The following RBFOX1 variants were observed in gnomAD, a reference collection of about 807,000 sequenced individuals.
The protein encoded by RBFOX1 is RNA binding protein fox-1 homolog 1.
Under a neutral mutation model 57.7 loss-of-function variants are expected in RBFOX1, and 8 were observed. The observed-to-expected ratio is 0.14, with a 90% CI of 0.08 to 0.25. The LOEUF is 0.25. RBFOX1 is among the 10% of genes least tolerant of loss of function. RBFOX1 has a pLI of 1.00. For synonymous variants in RBFOX1, 326 were observed against 222.4 expected (o/e 1.47, Z -4.15); for missense variants, 611 against 548.5 (o/e 1.11, Z -1.14).
intron 4 of RBFOX1, among the ~76,000 whole-genome samples, chr16:7,234,742 C>G (rs866603095): frequency 2.0e-5 from 3 of 150,002 alleles, no homozygotes; most frequent in Admixed American, 6.7e-5. Flanking sequence ...TTGTAAATAC[C>G]CTGTGCTGAA....
rs774374468 is a variant in RBFOX1, at chr16:5,596,693, G to C, written c.259-2209G>C. ...CGTTGATCAAGTGCAGTTTTTTCTT[G>C]GTCCATCTATAAAGTGGGACTGAAA... On this transcript the variant is annotated intron_variant, in intron 2 of 2. Transcript: ENST00000585867. 1.8e-4 allele frequency among the ~76,000 whole-genome samples: 28 copies of C among 152,246 alleles called. No individual in the cohort carries two copies. In the East Asian group the frequency reaches 3.5e-3, roughly 19 times the overall value.
chr16:5,477,249 G>A (rs180699649), intron 2 of RBFOX1, among the ~76,000 whole-genome samples: 3 of 152,190 alleles, frequency 2.0e-5, no homozygotes, highest in Admixed American at 2.0e-4. Context: ...TTTGGTGCCT[G>A]TATTTTTTTT....
intron 4 of RBFOX1, among the ~76,000 whole-genome samples, chr16:7,471,316 G>T (rs959078360): frequency 7.2e-5 from 11 of 152,218 alleles, no homozygotes; most frequent in African/African-American, 2.6e-4. Flanking sequence ...TACCTTGTGA[G>T]TATATCCATA....
chr16:5,241,639 G>A (rs550225902), intron 1 of RBFOX1, among the ~76,000 whole-genome samples: 1 of 152,314 alleles, frequency 6.6e-6, no homozygotes, highest in Admixed American at 6.5e-5. Context: ...CTGTCAACAG[G>A]CCCCATTGCC....
intron 3 of RBFOX1, among the ~76,000 whole-genome samples, chr16:5,745,970 T>C (rs559060775): frequency 1.4e-4 from 21 of 152,350 alleles, no homozygotes; most frequent in African/African-American, 5.0e-4. Flanking sequence ...ATTTTGGCTT[T>C]TGTTGCCATT....
chr16:7,393,282 TA>T (rs1300870634), intron 4 of RBFOX1, among the ~76,000 whole-genome samples: 2 of 152,178 alleles, frequency 1.3e-5, no homozygotes, highest in African/African-American at 4.8e-5. Context: ...CTTCAGACCT[TA>T]ATCCTTAAGT....
At chr16:5,335,612 G>C (rs748153557) in intron 1 of RBFOX1, among the ~76,000 whole-genome samples, 1 of 152,190 alleles carries the variant, frequency 6.6e-6, no homozygotes, top group Non-Finnish European at 1.5e-5. Flanking sequence ...GCACATGAGC[G>C]AGCAGATTAG....
At chr16:5,777,561 CACTT>C (rs1363527974) in intron 3 of RBFOX1, among the ~76,000 whole-genome samples, 1 of 152,182 alleles carries the variant, frequency 6.6e-6, no homozygotes, top group East Asian at 1.9e-4. Context: ...TCAGCATTGT[CACTT>C]ACTCCTTGTA....
chr16:7,171,096 T>G (rs2080603476), intron 4 of RBFOX1, among the ~76,000 whole-genome samples: 1 of 152,190 alleles, frequency 6.6e-6, no homozygotes, highest in South Asian at 2.1e-4. Flanking sequence ...CCATCCCAGC[T>G]TTCTTCCCAA....
chr16:7,632,846 A>G (rs887080955), intron 11 of RBFOX1, among the ~76,000 whole-genome samples: 3 of 152,248 alleles, frequency 2.0e-5, no homozygotes, highest in Non-Finnish European at 2.9e-5. Context: ...ATGGCTCTAT[A>G]TGATGATATG....
intron 1 of RBFOX1, chr16:5,366,563 C>G (rs2065721899): frequency 1.0e-5 from 4 of 388,878 alleles, no homozygotes; most frequent in East Asian, 6.6e-5. Flanking sequence ...GAAATGCAAG[C>G]AAATATAGAA....
At chr16:6,576,132 A>G (rs986858002) in intron 2 of RBFOX1, among the ~76,000 whole-genome samples, 14 of 152,104 alleles carry the variant, frequency 9.2e-5, no homozygotes, top group Admixed American at 7.2e-4. Flanking sequence ...CATCTACTTT[A>G]TCAGTTTTTA....
At chr16:6,289,733 G>C (rs1343681945) in intron 1 of RBFOX1, among the ~76,000 whole-genome samples, 3 of 152,084 alleles carry the variant, frequency 2.0e-5, no homozygotes, top group Non-Finnish European at 4.4e-5. Context: ...CATCCTGGGG[G>C]GAAAATGCCT....
intron 3 of RBFOX1, among the ~76,000 whole-genome samples, chr16:6,852,789 G>A (rs2094139466): frequency 6.6e-6 from 1 of 152,186 alleles, no homozygotes; most frequent in East Asian, 1.9e-4. Flanking sequence ...GGTACATGCT[G>A]GGAACTAGCT....
chr16:7,254,204 C>A (rs919972694), intron 4 of RBFOX1, among the ~76,000 whole-genome samples: 1 of 152,136 alleles, frequency 6.6e-6, no homozygotes, highest in Non-Finnish European at 1.5e-5. Context: ...TCACACAGTT[C>A]ATTGTTGGAG....
intron 4 of RBFOX1, among the ~76,000 whole-genome samples, chr16:7,468,436 T>C (rs979546743): frequency 4.6e-5 from 7 of 151,836 alleles, no homozygotes; most frequent in Admixed American, 1.3e-4. Flanking sequence ...ATGCCGCTTA[T>C]TTTTGAGTCA....
At chr16:6,851,030 A>G (rs1352495113) in intron 3 of RBFOX1, among the ~76,000 whole-genome samples, 3 of 152,208 alleles carry the variant, frequency 2.0e-5, no homozygotes, top group Admixed American at 6.5e-5. Flanking sequence ...GTGGAATACT[A>G]TGTAGCAATA....
At chr16:5,362,192 T>C (rs536712089) in intron 1 of RBFOX1, among the ~76,000 whole-genome samples, 13 of 152,134 alleles carry the variant, frequency 8.5e-5, no homozygotes, top group Non-Finnish European at 1.9e-4. Context: ...CTTGTGTCAC[T>C]GAAACTTTTT....
At chr16:7,291,637 G>A (rs749802107) in intron 4 of RBFOX1, among the ~76,000 whole-genome samples, 1 of 151,980 alleles carries the variant, frequency 6.6e-6, no homozygotes, top group African/African-American at 2.4e-5. Context: ...GTGCAGATGC[G>A]TTTGTTTGGG....
Sources: allele counts gnomAD v4.1 joint callset (sites outside exome capture counted in the v4.1 genomes callset), GRCh38; gene constraint gnomAD v4.1.1; transcripts MANE v1.5; gene names NCBI Gene and HGNC (gene_info 2026-07-23, HGNC 2026-07-21).